The following MAP2K1 variants were observed in gnomAD, a reference collection of about 807,000 sequenced individuals.
MAP2K1 encodes mitogen-activated protein kinase kinase 1, also known as dual specificity mitogen-activated protein kinase kinase 1.
A neutral mutation model predicts 46.3 loss-of-function variants in MAP2K1; 16 were observed. That is an observed-to-expected ratio of 0.35 (90% CI 0.23 to 0.52). The LOEUF (loss-of-function observed/expected upper bound fraction) is 0.52, where lower values mean the gene tolerates loss of function less well. Ranked by LOEUF, MAP2K1 falls within the 20% of genes least tolerant of loss-of-function variation. The pLI is 0.94. For synonymous variants in MAP2K1, 183 were observed against 185.6 expected (o/e 0.99, Z 0.11); for missense variants, 263 against 497.1 (o/e 0.53, Z 4.48).
intron 3 of MAP2K1, among the ~76,000 whole-genome samples, chr15:66,441,839 T>C (rs2093504804): frequency 6.6e-6 from 1 of 152,074 alleles, no homozygotes; most frequent in Non-Finnish European, 1.5e-5. Flanking sequence ...ATAGACAGGA[T>C]ACTTTAGAAA....
chr15:66,408,438 G>T (rs554541106), intron 1 of MAP2K1, among the ~76,000 whole-genome samples: 1 of 152,326 alleles, frequency 6.6e-6, no homozygotes, highest in Non-Finnish European at 1.5e-5. Context: ...ACTCCTCCCA[G>T]CTTCTCTAGG....
rs886987706 is a variant in MAP2K1 at position 66,419,813 on chromosome 15, T to C, written c.81-15214T>C. On this transcript the variant is annotated intron_variant, in intron 1 of 10. Transcript: ENST00000307102. The stretch of plus-strand genomic sequence containing the variant: ...TTGATTCCCAGGGGGTGTTTTTGTT[T>C]GTTTGTTTCTTTTTAAAGGATAGGA... Among the ~76,000 whole-genome samples, 3 of 152,162 alleles carry C rather than the reference T, an allele frequency of 2.0e-5. No individual in the cohort carries two copies. The South Asian group carries it at 6.2e-4, about 31-fold the overall frequency.
chr15:66,463,545 C>T (rs1892384775), intron 5 of MAP2K1, among the ~76,000 whole-genome samples: 2 of 152,258 alleles, frequency 1.3e-5, no homozygotes, highest in Non-Finnish European at 2.9e-5. Context: ...TGCAATGGTG[C>T]GATCTCGGCT....
chr15:66,401,988 G>GA, intron 1 of MAP2K1: 2 of 1,339,580 alleles, frequency 1.5e-6, no homozygotes, highest in Middle Eastern at 2.0e-4. Context: ...TGAACATTTT[G>GA]AAAAATCACA....
At chr15:66,440,895 A>G (rs1385799790) in intron 3 of MAP2K1, among the ~76,000 whole-genome samples, 3 of 152,166 alleles carry the variant, frequency 2.0e-5, no homozygotes, top group Non-Finnish European at 4.4e-5. Flanking sequence ...CATCGTTCAC[A>G]CTATACTCTG....
chr15:66,406,817 G>A (rs189389124), intron 1 of MAP2K1, among the ~76,000 whole-genome samples: 2 of 152,226 alleles, frequency 1.3e-5, no homozygotes, highest in African/African-American at 4.8e-5. Context: ...GATCACCTGA[G>A]CTCCGCAGTT....
Position 66,490,652 on chromosome 15 carries a change from G to A in MAP2K1, c.*37G>A, listed in dbSNP as rs775193561. 24 of 1,538,702 alleles carry A rather than the reference G, an allele frequency of 1.6e-5. No homozygotes were observed. The highest frequency in any genetic ancestry group is 1.7e-4 in the Middle Eastern group (1 of 5,960). On this transcript the variant is annotated 3_prime_UTR_variant, in exon 11 of 11. Coordinates refer to ENST00000307102, the MANE Select transcript of MAP2K1 (RefSeq NM_002755.4). Reference sequence around the variant, plus strand: ...GCAACAAAGAGCGAGTCCCCTGCCCGGTGGTTTGCCATGTCGCTTTTGGGC... The same window carrying A: ...GCAACAAAGAGCGAGTCCCCTGCCCAGTGGTTTGCCATGTCGCTTTTGGGC...
intron 1 of MAP2K1, among the ~76,000 whole-genome samples, chr15:66,396,789 A>T (rs1455767993): frequency 1.3e-5 from 2 of 150,960 alleles, no homozygotes; most frequent in Non-Finnish European, 2.9e-5. Flanking sequence ...GGTTCAAGCG[A>T]TTCTCCTGCC....
intron 1 of MAP2K1, among the ~76,000 whole-genome samples, chr15:66,428,999 C>G (rs1355200873): frequency 1.3e-5 from 2 of 151,926 alleles, no homozygotes; most frequent in Non-Finnish European, 2.9e-5. Context: ...AGGCTGGTCT[C>G]AAACAACTGG....
At chr15:66,489,869 G>A in intron 10 of MAP2K1, 106 bp downstream of exon 10, 1 of 969,710 alleles carries the variant, frequency 1.0e-6, no homozygotes, top group Non-Finnish European at 1.7e-6. Context: ...CCTGCCCACT[G>A]TGGTCCAGCT....
At chr15:66,480,423 A>G (rs1360710350) in intron 5 of MAP2K1, among the ~76,000 whole-genome samples, 1 of 152,112 alleles carries the variant, frequency 6.6e-6, no homozygotes, top group Non-Finnish European at 1.5e-5. Context: ...AGATACTTAA[A>G]TAGACCTGTT....
chr15:66,478,514 T>G (rs1413511453), intron 5 of MAP2K1, among the ~76,000 whole-genome samples: 1 of 127,546 alleles, frequency 7.8e-6, no homozygotes, highest in Non-Finnish European at 1.6e-5. Context: ...ATATTTTTTT[T>G]TTGAGACAAG....
intron 3 of MAP2K1, among the ~76,000 whole-genome samples, chr15:66,438,041 A>G (rs1028954595): frequency 3.1e-5 from 3 of 97,466 alleles, no homozygotes; most frequent in African/African-American, 1.2e-4. Context: ...TTTTTAATTT[A>G]TTTTTATTTT....
intron 1 of MAP2K1, among the ~76,000 whole-genome samples, chr15:66,410,712 C>T (rs1273385745): frequency 3.9e-5 from 6 of 152,136 alleles, no homozygotes; most frequent in Non-Finnish European, 8.8e-5. Context: ...AACTGGGATG[C>T]CATCGACAGG....
intron 1 of MAP2K1, among the ~76,000 whole-genome samples, chr15:66,396,484 G>A (rs2093367919): frequency 6.6e-6 from 1 of 151,658 alleles, no homozygotes; most frequent in Admixed American, 6.6e-5. Context: ...TGGTCAGGCT[G>A]GTCTCGAACT....
chr15:66,429,791 T>TA (rs2093470378), intron 1 of MAP2K1, among the ~76,000 whole-genome samples: 1 of 151,682 alleles, frequency 6.6e-6, no homozygotes, highest in Non-Finnish European at 1.5e-5. Flanking sequence ...CCTGTCTTAC[T>TA]ACTCCTTATA....
chr15:66,480,156 T>C (rs145681313), intron 5 of MAP2K1, among the ~76,000 whole-genome samples: 2 of 152,222 alleles, frequency 1.3e-5, no homozygotes, highest in African/African-American at 4.8e-5. Context: ...TGGCATGATG[T>C]CGGCTCACCA....
intron 5 of MAP2K1, among the ~76,000 whole-genome samples, chr15:66,475,162 T>G (rs1892726965): frequency 6.6e-6 from 1 of 152,146 alleles, no homozygotes; most frequent in South Asian, 2.1e-4. Context: ...GCTACTTAAT[T>G]AGCTCCTTGA....
At chr15:66,458,277 A>T (rs12050732) in intron 5 of MAP2K1, among the ~76,000 whole-genome samples, 1 of 152,070 alleles carries the variant, frequency 6.6e-6, no homozygotes. Context: ...CTAATTATCA[A>T]GGCCTTATTT....
Sources: allele counts gnomAD v4.1 joint callset (sites outside exome capture counted in the v4.1 genomes callset), GRCh38; gene constraint gnomAD v4.1.1; transcripts MANE v1.5; gene names NCBI Gene and HGNC (gene_info 2026-07-23, HGNC 2026-07-21).